KLHL24: variants seen among roughly 807,000 people sequenced by gnomAD.
KLHL24 encodes the protein kelch like family member 24.
KLHL24 carries 29 observed loss-of-function variants against 53.4 expected under a neutral mutation model. The ratio of observed to expected loss-of-function variants is 0.54; its 90% confidence interval spans 0.40 to 0.74. The LOEUF is 0.74. KLHL24 is among the 30% of genes least tolerant of loss of function. The pLI is 0.00. For synonymous variants in KLHL24, 222 were observed against 253.7 expected (o/e 0.88, Z 1.19); for missense variants, 504 against 744.0 (o/e 0.68, Z 3.75).
intron 1 of KLHL24, among the ~76,000 whole-genome samples, chr3:183,637,556 G>T (rs1245307413): frequency 1.3e-5 from 2 of 152,118 alleles, no homozygotes; most frequent in African/African-American, 4.8e-5. Flanking sequence ...GTTGAAAATG[G>T]TTTTTCTAAT....
chr3:183,673,962 T>C (rs1396066706), intron 7 of KLHL24, among the ~76,000 whole-genome samples: 1 of 152,198 alleles, frequency 6.6e-6, no homozygotes, highest in Admixed American at 6.5e-5. Flanking sequence ...ATTTGATATT[T>C]TACATGGGTA....
At chr3:183,670,382 T>C (rs1000783752) in intron 5 of KLHL24, among the ~76,000 whole-genome samples, 1 of 152,208 alleles carries the variant, frequency 6.6e-6, no homozygotes, top group African/African-American at 2.4e-5. Flanking sequence ...TTAATAAATA[T>C]CTTACTGATT....
intron 7 of KLHL24, 68 bp downstream of exon 7, chr3:183,672,552 T>C: frequency 9.1e-7 from 1 of 1,103,690 alleles, no homozygotes; most frequent in Admixed American, 2.8e-5. Context: ...TCATTATTAA[T>C]ACACTGGAAT....
At chr3:183,660,980 G>A (rs1719672992) in intron 3 of KLHL24, among the ~76,000 whole-genome samples, 1 of 117,556 alleles carries the variant, frequency 8.5e-6, no homozygotes. Flanking sequence ...CAGGAGAATG[G>A]CGTGAACCCG....
At chr3:183,660,496 A>G (rs1046051615) in intron 3 of KLHL24, among the ~76,000 whole-genome samples, 5 of 152,126 alleles carry the variant, frequency 3.3e-5, no homozygotes, top group Admixed American at 6.5e-5. Flanking sequence ...GTGTCTTTCC[A>G]TAACATGAGT....
At position 183,672,504 on chromosome 3, in the gene KLHL24, C is replaced by T. The variant is rs1165892624; in HGVS notation, c.1602+20C>T. ...CGTCAGGTAATAACATAAAGCAGTACAAAAGAAAAATAAATCTAAGAGGGA... is the reference window on the plus strand; with the variant it reads ...CGTCAGGTAATAACATAAAGCAGTATAAAAGAAAAATAAATCTAAGAGGGA... On this transcript the variant is annotated intron_variant, in intron 7 of 7. Transcript: ENST00000242810. The T allele has an allele frequency of 1.3e-6, 2 of 1,529,960 alleles. No homozygotes were observed. Among genetic ancestry groups the T allele is most frequent in the South Asian group, 1.2e-5 (1 of 82,168 alleles). 94.8% of individuals were successfully genotyped at this position (1,529,960 alleles called of 1,614,324 possible). A position where few individuals can be genotyped will look rare whatever the true frequency, so the allele number is the denominator to read the frequency against.
At chr3:183,659,406 G>A (rs529557398) in intron 3 of KLHL24, among the ~76,000 whole-genome samples, 1 of 152,284 alleles carries the variant, frequency 6.6e-6, no homozygotes, top group South Asian at 2.1e-4. Context: ...GCATGGTGGT[G>A]CATGCCTATA....
At chr3:183,660,279 C>T (rs890926878) in intron 3 of KLHL24, among the ~76,000 whole-genome samples, 20 of 151,882 alleles carry the variant, frequency 1.3e-4, no homozygotes, top group African/African-American at 4.1e-4. Flanking sequence ...ACTATAGGCA[C>T]GCCACCATGC....
intron 7 of KLHL24, among the ~76,000 whole-genome samples, chr3:183,674,551 G>A (rs1417592557): frequency 1.3e-5 from 2 of 151,814 alleles, no homozygotes; most frequent in African/African-American, 4.8e-5. Context: ...TAGTAGAAAC[G>A]GGGTTTCACT....
intron 3 of KLHL24, among the ~76,000 whole-genome samples, chr3:183,660,916 T>C (rs967243192): frequency 3.3e-5 from 5 of 150,262 alleles, no homozygotes; most frequent in Non-Finnish European, 5.9e-5. Flanking sequence ...ACAAAAGCAA[T>C]TAGCCGGGCG....
Position 183,679,099 on chromosome 3 carries a change from T to C in KLHL24, c.1616T>C (p.Met539Thr), listed in dbSNP as rs79917656. Residue 539 changes from methionine (M) to threonine (T), a missense_variant, in exon 8 of 8, where the codon ATG becomes ACG. Coordinates refer to ENST00000242810, the MANE Select transcript of KLHL24 (RefSeq NM_017644.3). ...TTGGTTAAACAGGAAAACTGTGGTA[T>C]GTCTGTGTGTAATGGTAAAATATAT... ...NTFSRQENCG[M>T]SVCNGKIYIL... The C allele has an allele frequency of 6.2e-7, 1 of 1,613,144 alleles. No individual in the cohort carries two copies. The highest frequency in any genetic ancestry group is 8.5e-7 in the Non-Finnish European group (1 of 1,179,068).
In KLHL24 at chr3:183,684,466, T is replaced by C. The variant is rs1268897027; in HGVS notation, c.*5180T>C. 2.0e-5 allele frequency: 3 copies of C among 152,640 alleles called. No individual in the cohort carries two copies. The highest frequency in any genetic ancestry group is 4.4e-5 in the Non-Finnish European group (3 of 68,028). 9.5% of individuals were successfully genotyped at this position (152,640 alleles called of 1,614,324 possible). On this transcript the variant is annotated 3_prime_UTR_variant, in exon 8 of 8. Transcript: ENST00000242810. ...TAAAAGTTGTATCTAATAAAATGTC[T>C]TTTAACCATTATTACTTGACTATAT... is the stretch of plus-strand genomic sequence containing the variant.
intron 1 of KLHL24, among the ~76,000 whole-genome samples, chr3:183,639,353 G>A (rs576049864): frequency 3.3e-5 from 5 of 152,198 alleles, no homozygotes; most frequent in Non-Finnish European, 7.4e-5. Context: ...ATTTGTGGCC[G>A]GGCGCGGTGG....
intron 5 of KLHL24, among the ~76,000 whole-genome samples, chr3:183,670,752 T>C (rs956595727): frequency 6.6e-6 from 1 of 152,196 alleles, no homozygotes; most frequent in Non-Finnish European, 1.5e-5. Flanking sequence ...AGAACAGATA[T>C]ACATACATTA....
rs541318308 is a variant in KLHL24, at chr3:183,639,491, G to A, written c.-125+3698G>A. Among the ~76,000 whole-genome samples the A allele has an allele frequency of 3.2e-3, 482 of 151,576 alleles. 2 individuals are homozygous for A. Among genetic ancestry groups the A allele is most frequent in the Non-Finnish European group, 5.8e-3 (390 of 67,814 alleles). ...TAAAAATACAAAAAATTAGCCGGGC[G>A]TAGCGGCGGGCGCCTGTAGTCCCAG... On this transcript the variant is annotated intron_variant, in intron 1 of 7. Coordinates refer to ENST00000242810, the MANE Select transcript of KLHL24 (RefSeq NM_017644.3).
At chr3:183,674,329 T>C (rs1039547046) in intron 7 of KLHL24, among the ~76,000 whole-genome samples, 9 of 150,612 alleles carry the variant, frequency 6.0e-5, no homozygotes, top group African/African-American at 2.0e-4. Context: ...CCTTCCCTTC[T>C]TTCCTTCTTT....
chr3:183,654,816 T>C (rs1353253197), intron 3 of KLHL24, among the ~76,000 whole-genome samples: 2 of 152,274 alleles, frequency 1.3e-5, no homozygotes, highest in Non-Finnish European at 2.9e-5. Context: ...TGCTTCCTTA[T>C]GGCATCATTT....
At chr3:183,661,201 C>CTCCA (rs1719740017) in intron 3 of KLHL24, among the ~76,000 whole-genome samples, 1 of 148,460 alleles carries the variant, frequency 6.7e-6, no homozygotes, top group Non-Finnish European at 1.5e-5. Flanking sequence ...CGCCACTGCA[C>CTCCA]TCCAGCCTTG....
At chr3:183,641,860 T>A (rs1716498174) in intron 1 of KLHL24, among the ~76,000 whole-genome samples, 2 of 152,222 alleles carry the variant, frequency 1.3e-5, no homozygotes, top group African/African-American at 4.8e-5. Context: ...ATATTACATA[T>A]CTCCATCAGA....
Sources: allele counts gnomAD v4.1 joint callset (sites outside exome capture counted in the v4.1 genomes callset), GRCh38; gene constraint gnomAD v4.1.1; transcripts MANE v1.5; gene names NCBI Gene and HGNC (gene_info 2026-07-23, HGNC 2026-07-21).